Variants in KIF6 observed in about 807,000 individuals in gnomAD.
KIF6 encodes kinesin family member 6, also known as kinesin-like protein KIF6.
In KIF6, 106 loss-of-function variants were observed where a neutral mutation model predicts 112.7. The ratio of observed to expected loss-of-function variants is 0.94; its 90% CI spans 0.80 to 1.11. KIF6 has a LOEUF of 1.11. KIF6 is among the 50% of genes least tolerant of loss of function. The pLI is 0.00. For missense variants in KIF6, 929 were observed against 964.0 expected (o/e 0.96, Z 0.48); for synonymous variants, 339 against 339.9 (o/e 1.00, Z 0.03).
At chr6:39,403,317 A>T (rs988120498) in intron 15 of KIF6, among the ~76,000 whole-genome samples, 4 of 152,126 alleles carry the variant, frequency 2.6e-5, no homozygotes, top group African/African-American at 9.7e-5. Flanking sequence ...CTCCCTCACA[A>T]GGCCATGTTG....
chr6:39,612,207 A>G (rs1302017772), intron 6 of KIF6, among the ~76,000 whole-genome samples: 1 of 152,212 alleles, frequency 6.6e-6, no homozygotes, highest in Non-Finnish European at 1.5e-5. Flanking sequence ...CATGGGGCTG[A>G]ATAAAAGGTC....
At chr6:39,491,845 A>C (rs1581970822) in intron 13 of KIF6, among the ~76,000 whole-genome samples, 1 of 152,310 alleles carries the variant, frequency 6.6e-6, no homozygotes. Context: ...GACTGTACCT[A>C]ATGAACTCAA....
chr6:39,527,542 G>C (rs1777805840), intron 13 of KIF6, among the ~76,000 whole-genome samples: 1 of 151,996 alleles, frequency 6.6e-6, no homozygotes, highest in Non-Finnish European at 1.5e-5. Flanking sequence ...CCCTGGCTTG[G>C]CATTCAAAGA....
At chr6:39,516,144 AAG>A (rs1777073047) in intron 13 of KIF6, among the ~76,000 whole-genome samples, 1 of 152,144 alleles carries the variant, frequency 6.6e-6, no homozygotes, top group Non-Finnish European at 1.5e-5. Flanking sequence ...CATTTTGGGT[AAG>A]AGATATGCAA....
At chr6:39,629,528 A>G (rs1784254763) in intron 5 of KIF6, among the ~76,000 whole-genome samples, 2 of 152,094 alleles carry the variant, frequency 1.3e-5, no homozygotes, top group South Asian at 4.1e-4. Flanking sequence ...TTATTTTCTT[A>G]TTGTTGAGTT....
At chr6:39,616,224 C>T (rs553647494) in intron 5 of KIF6, among the ~76,000 whole-genome samples, 141 of 152,268 alleles carry the variant, frequency 9.3e-4, no homozygotes, top group Non-Finnish European at 1.8e-3. Context: ...TTCTAAATCA[C>T]CCAGAGCCTT....
rs1173132006 is a variant in KIF6 at position 39,378,608 on chromosome 6, T to C, written c.1861+7014A>G. Among the ~76,000 whole-genome samples the C allele has an allele frequency of 1.3e-5, 2 of 152,178 alleles. No individual in the cohort carries two copies. The highest frequency in any genetic ancestry group is 2.9e-5 in the Non-Finnish European group (2 of 68,042). On this transcript the variant is annotated intron_variant, in intron 16 of 22. Coordinates refer to ENST00000287152, the MANE Select transcript of KIF6 (RefSeq NM_145027.6). This position sits in a 1 kb window ranked among gnomAD's most constrained non-coding sequence, Gnocchi z 5.0. ...ACTCAGCCCAGGCCTGTGGTCTTGG[T>C]GACAACCCCCCAGGGCCACTCCTTC...
chr6:39,512,064 G>A (rs1776817664), intron 13 of KIF6, among the ~76,000 whole-genome samples: 1 of 152,132 alleles, frequency 6.6e-6, no homozygotes, highest in African/African-American at 2.4e-5. Flanking sequence ...TGCACGTTGT[G>A]CACATGTACC....
chr6:39,559,324 C>T (rs1779892020), intron 10 of KIF6, among the ~76,000 whole-genome samples: 1 of 152,046 alleles, frequency 6.6e-6, no homozygotes, highest in South Asian at 2.1e-4. Flanking sequence ...TTACTTGGGC[C>T]TCCCCTCTTC....
At chr6:39,382,017 C>A (rs1049822509) in intron 16 of KIF6, among the ~76,000 whole-genome samples, 1 of 152,166 alleles carries the variant, frequency 6.6e-6, no homozygotes. Flanking sequence ...GCTGGAAGGA[C>A]CATCCCTGGG....
chr6:39,465,024 T>C (rs1448082551), intron 13 of KIF6, among the ~76,000 whole-genome samples: 3 of 152,238 alleles, frequency 2.0e-5, no homozygotes, highest in Admixed American at 1.3e-4. Context: ...TAAATTTTAA[T>C]TGGTCAGGAG....
chr6:39,575,602 G>A (rs1447763702), intron 10 of KIF6, among the ~76,000 whole-genome samples: 4 of 152,230 alleles, frequency 2.6e-5, no homozygotes, highest in African/African-American at 9.6e-5. Context: ...AATAGGGGAT[G>A]GGTAAATAAA....
intron 15 of KIF6, among the ~76,000 whole-genome samples, chr6:39,402,880 C>T (rs1768808681): frequency 6.6e-6 from 1 of 152,110 alleles, no homozygotes; most frequent in Non-Finnish European, 1.5e-5. Context: ...GGCTTTCTGC[C>T]CAAAGTCCTC....
intron 13 of KIF6, among the ~76,000 whole-genome samples, chr6:39,500,505 A>C (rs1776061946): frequency 2.0e-5 from 3 of 152,154 alleles, no homozygotes; most frequent in African/African-American, 7.2e-5. Flanking sequence ...GTGAAATTGG[A>C]GGCACATTTT....
At chr6:39,678,043 A>G (rs1162459788) in intron 3 of KIF6, among the ~76,000 whole-genome samples, 1 of 152,070 alleles carries the variant, frequency 6.6e-6, no homozygotes, top group Non-Finnish European at 1.5e-5. Context: ...CAAAAAACAC[A>G]TGAAGAAATG....
intron 13 of KIF6, among the ~76,000 whole-genome samples, chr6:39,452,620 T>G (rs1772778559): frequency 6.6e-6 from 1 of 152,176 alleles, no homozygotes; most frequent in African/African-American, 2.4e-5. Context: ...AAGCAAATTA[T>G]CAGCTTTCGC....
At chr6:39,408,688 C>T (rs1026248659) in intron 15 of KIF6, among the ~76,000 whole-genome samples, 2 of 152,150 alleles carry the variant, frequency 1.3e-5, no homozygotes, top group South Asian at 2.1e-4. Context: ...GAAGGAGATA[C>T]ATCAAATTGT....
chr6:39,414,039 C>T (rs961541051), intron 15 of KIF6, among the ~76,000 whole-genome samples: 1 of 152,154 alleles, frequency 6.6e-6, no homozygotes, highest in African/African-American at 2.4e-5. Flanking sequence ...TCTGGAATTA[C>T]TGAGGAAATG....
intron 13 of KIF6, among the ~76,000 whole-genome samples, chr6:39,510,408 AAGAATTTTCAACCC>A (rs1366071533): frequency 2.6e-5 from 4 of 152,134 alleles, no homozygotes; most frequent in African/African-American, 9.7e-5. Context: ...TCTTAAAGCA[AAGAATTTTCAACCC>A]AGAATTTCAT....
Sources: gnomAD v4.1 joint callset for allele counts (sites outside exome capture counted in the v4.1 genomes callset) on GRCh38, gnomAD v4.1.1 for gene constraint, Gnocchi (gnomAD v3.1) non-coding constraint, MANE v1.5 for transcripts, NCBI Gene and HGNC (gene_info 2026-07-23, HGNC 2026-07-21) for gene names.